Variants in LOC128125817 observed in about 807,000 individuals in gnomAD.
chr1:41,594,856 C>T, the LOC128125817 span, among the ~76,000 whole-genome samples: 1 of 152,132 alleles, frequency 6.6e-6, no homozygotes, highest in South Asian at 2.1e-4. Flanking sequence ...CTCCTTTCCT[C>T]TCTTCTTTCC....
the LOC128125817 span, among the ~76,000 whole-genome samples, chr1:41,623,194 C>T: frequency 2.6e-5 from 4 of 152,184 alleles, no homozygotes; most frequent in Admixed American, 1.3e-4. Context: ...CTACCCCAGC[C>T]GAGTCAGGCA....
At chr1:41,587,585 A>G in the LOC128125817 span, among the ~76,000 whole-genome samples, 4 of 152,392 alleles carry the variant, frequency 2.6e-5, no homozygotes, top group South Asian at 4.1e-4. Flanking sequence ...ATAAGTGCCA[A>G]CTGTCTCTGG....
At chr1:41,588,348 G>A in the LOC128125817 span, among the ~76,000 whole-genome samples, 481 of 152,294 alleles carry the variant, frequency 3.2e-3, 3 homozygotes, top group African/African-American at 0.011. Context: ...ATGGATGGAT[G>A]GGACCCTGCA....
the LOC128125817 span, among the ~76,000 whole-genome samples, chr1:41,599,640 TA>T: frequency 8.6e-5 from 13 of 152,046 alleles, no homozygotes; most frequent in Non-Finnish European, 1.9e-4. Context: ...TTAGAAAACA[TA>T]AGGAAGAAGC....
chr1:41,613,892 A>C, the LOC128125817 span, among the ~76,000 whole-genome samples: 1 of 152,248 alleles, frequency 6.6e-6, no homozygotes, highest in Non-Finnish European at 1.5e-5. Flanking sequence ...TGGACATTTC[A>C]TAAAAATGGA....
the LOC128125817 span, among the ~76,000 whole-genome samples, chr1:41,597,775 CT>C: frequency 6.6e-6 from 1 of 152,138 alleles, no homozygotes; most frequent in South Asian, 2.1e-4. Flanking sequence ...GCTTGTTAAC[CT>C]TTTTTTACCT....
the LOC128125817 span, among the ~76,000 whole-genome samples, chr1:41,610,763 A>G: frequency 6.6e-6 from 1 of 152,016 alleles, no homozygotes; most frequent in Non-Finnish European, 1.5e-5. Flanking sequence ...AGGCATTCGC[A>G]CTCTAGGTCC....
chr1:41,600,799 C>G, the LOC128125817 span, among the ~76,000 whole-genome samples: 1 of 152,116 alleles, frequency 6.6e-6, no homozygotes, highest in Non-Finnish European at 1.5e-5. Flanking sequence ...CCTATGTTTT[C>G]TTCTAGAAGT....
At chr1:41,607,738 G>A in the LOC128125817 span, among the ~76,000 whole-genome samples, 1 of 152,190 alleles carries the variant, frequency 6.6e-6, no homozygotes, top group Non-Finnish European at 1.5e-5. Flanking sequence ...ACAGGTTCTA[G>A]CTCCTATAAC....
At chr1:41,595,806 C>T in the LOC128125817 span, among the ~76,000 whole-genome samples, 2 of 152,176 alleles carry the variant, frequency 1.3e-5, no homozygotes, top group Admixed American at 1.3e-4. Context: ...ACATCTTTCT[C>T]CTGCACTGGA....
the LOC128125817 span, among the ~76,000 whole-genome samples, chr1:41,606,733 AT>A: frequency 2.0e-5 from 3 of 151,774 alleles, no homozygotes; most frequent in Non-Finnish European, 4.4e-5. Flanking sequence ...TTAAAAAACT[AT>A]TTTTTTCAAA....
At chr1:41,601,517 G>C in the LOC128125817 span, among the ~76,000 whole-genome samples, 10 of 152,014 alleles carry the variant, frequency 6.6e-5, 1 homozygote, top group Non-Finnish European at 1.5e-4. Flanking sequence ...TATTATAAGT[G>C]ACATTATTTT....
At chr1:41,625,822 A>G in the LOC128125817 span, among the ~76,000 whole-genome samples, 2 of 152,250 alleles carry the variant, frequency 1.3e-5, no homozygotes. Context: ...AAATAAGAAT[A>G]AAAATGAGAA....
the LOC128125817 span, among the ~76,000 whole-genome samples, chr1:41,616,915 C>T: frequency 6.6e-6 from 1 of 152,186 alleles, no homozygotes. Flanking sequence ...GTTACTGCTC[C>T]TAACAAGCTT....
chr1:41,625,352 GA>G, the LOC128125817 span, among the ~76,000 whole-genome samples: 1 of 152,072 alleles, frequency 6.6e-6, no homozygotes, highest in Non-Finnish European at 1.5e-5. Flanking sequence ...TAGATTTTGT[GA>G]AACAGACAGT....
At chr1:41,620,574 C>A in the LOC128125817 span, among the ~76,000 whole-genome samples, 19 of 152,284 alleles carry the variant, frequency 1.2e-4, no homozygotes, top group Admixed American at 2.0e-4. Flanking sequence ...CACTGCTCAC[C>A]TTGACTTGGT....
the LOC128125817 span, among the ~76,000 whole-genome samples, chr1:41,599,580 A>T: frequency 1.2e-4 from 18 of 152,336 alleles, no homozygotes; most frequent in East Asian, 3.1e-3. Context: ...GGCAAAAGTT[A>T]ACTCAAAATG....
the LOC128125817 span, among the ~76,000 whole-genome samples, chr1:41,587,721 A>G: frequency 3.9e-3 from 595 of 152,300 alleles, 6 homozygotes; most frequent in African/African-American, 0.013. Context: ...TGAAGGCTAG[A>G]AAGGTGATAT....
the LOC128125817 span, among the ~76,000 whole-genome samples, chr1:41,620,623 A>G: frequency 1.3e-5 from 2 of 152,146 alleles, no homozygotes. Flanking sequence ...TGCCCCACCC[A>G]GCACGCCCCA....
Sources: gnomAD v4.1 joint callset for allele counts (sites outside exome capture counted in the v4.1 genomes callset) on GRCh38, gnomAD v4.1.1 for gene constraint, MANE v1.5 for transcripts.